Variants in DNM2 observed in about 807,000 individuals in gnomAD.
DNM2 encodes dynamin 2.
In DNM2, 15 loss-of-function variants were observed where a neutral mutation model predicts 99.0. The ratio of observed to expected loss-of-function variants is 0.15; its 90% CI spans 0.10 to 0.23. The LOEUF is 0.23. Among genes scored for constraint, DNM2 ranks in the 10% least tolerant of loss-of-function variants. The pLI is 1.00. For missense variants in DNM2, 742 were observed against 1,189.4 expected (o/e 0.62, Z 5.53); for synonymous variants, 525 against 481.2 (o/e 1.09, Z -1.19).
At chr19:10,770,688 T>C (rs975604540) in intron 2 of DNM2, among the ~76,000 whole-genome samples, 1 of 152,188 alleles carries the variant, frequency 6.6e-6, no homozygotes, top group Non-Finnish European at 1.5e-5. Context: ...TCACATCTTA[T>C]ACGGATGGCA....
At position 10,795,856 on chromosome 19, in the gene DNM2, GTT is replaced by G; in HGVS notation, c.1196+418_1196+419del. On this transcript the variant is annotated intron_variant, in intron 9 of 20. Coordinates refer to ENST00000389253, the MANE Select transcript of DNM2 (RefSeq NM_001005361.3). The surrounding 1 kb of genome is among the most constrained non-coding windows in gnomAD (Gnocchi z 4.2). ...TCCCCTCCTTATTCTAACAAAGGTA[GTT>G]GCTCCAGGTGTCTGCCCTTCCATCG... is the stretch of plus-strand genomic sequence containing the variant. 1 of 734,448 alleles carries G rather than the reference GTT, an allele frequency of 1.4e-6. No individual in the cohort carries two copies. The highest frequency in any genetic ancestry group is 2.3e-6 in the Non-Finnish European group (1 of 432,396). 45.5% of individuals were successfully genotyped at this position (734,448 alleles called of 1,614,324 possible).
intron 16 of DNM2, among the ~76,000 whole-genome samples, chr19:10,821,750 C>G (rs985206456): frequency 6.6e-6 from 1 of 152,106 alleles, no homozygotes; most frequent in African/African-American, 2.4e-5. Context: ...AGGCTGGGCT[C>G]GAACTCCCAA....
intron 15 of DNM2, among the ~76,000 whole-genome samples, chr19:10,814,262 C>T (rs1422672202): frequency 1.3e-5 from 2 of 152,086 alleles, no homozygotes; most frequent in African/African-American, 2.4e-5. Context: ...GTCGGGAGTT[C>T]GAGACCAGCC....
At chr19:10,787,733 T>A (rs2071610987) in intron 7 of DNM2, among the ~76,000 whole-genome samples, 2 of 135,226 alleles carry the variant, frequency 1.5e-5, no homozygotes, top group East Asian at 4.3e-4. Context: ...CCAGCCTGGG[T>A]GATCGAGCAA....
At chr19:10,822,187 CTTT>C (rs1245880128) in intron 16 of DNM2, among the ~76,000 whole-genome samples, 6 of 140,534 alleles carry the variant, frequency 4.3e-5, no homozygotes, top group African/African-American at 5.2e-5. Context: ...TTTTCTTTTT[CTTT>C]TTTTTTTTTT....
intron 12 of DNM2, among the ~76,000 whole-genome samples, 159 bp from the exon 13 acceptor site, chr19:10,805,757 G>A (rs572017903): frequency 4.6e-5 from 7 of 152,232 alleles, no homozygotes; most frequent in East Asian, 3.9e-4. Flanking sequence ...TGCCCAGGCC[G>A]TTTCCCTTGC....
chr19:10,821,499 G>A lies in DNM2; in HGVS notation c.1781+1410G>A, dbSNP rs558109186. On this transcript the variant is annotated intron_variant, in intron 16 of 20. Coordinates refer to ENST00000389253, the MANE Select transcript of DNM2 (RefSeq NM_001005361.3). ...TCAGGATTCCACCTGATATGCAGAAGCCGAGCTCTGCGGTGGGACAGGCCT... is the reference window on the plus strand; with the variant it reads ...TCAGGATTCCACCTGATATGCAGAAACCGAGCTCTGCGGTGGGACAGGCCT... Among the ~76,000 whole-genome samples, 3 of 152,162 alleles carry A rather than the reference G, an allele frequency of 2.0e-5. No individual in the cohort carries two copies. In the East Asian group the frequency reaches 5.8e-4, roughly 29 times the overall value.
chr19:10,761,368 C>A (rs1263953626), intron 2 of DNM2, among the ~76,000 whole-genome samples: 3 of 152,178 alleles, frequency 2.0e-5, no homozygotes, highest in Admixed American at 6.5e-5. Flanking sequence ...GGATTTTTTC[C>A]TGTTCTTTCC....
At chr19:10,746,331 G>A (rs978494203) in intron 1 of DNM2, among the ~76,000 whole-genome samples, 4 of 152,098 alleles carry the variant, frequency 2.6e-5, no homozygotes, top group African/African-American at 7.2e-5. Flanking sequence ...AGGAGGGCAC[G>A]GAGGTGACAG....
chr19:10,811,763 T>A lies in DNM2; in HGVS notation c.1558-501T>A. 1.9e-6 allele frequency: 1 copy of A among 518,686 alleles called. No homozygotes were observed. Among genetic ancestry groups the A allele is most frequent in the South Asian group, 1.4e-5 (1 of 71,522 alleles). The allele number at this position is 518,686 out of a possible 1,614,324, so 32.1% of individuals were successfully genotyped here. On this transcript the variant is annotated intron_variant, in intron 14 of 20. Coordinates refer to ENST00000389253, the MANE Select transcript of DNM2 (RefSeq NM_001005361.3). This position sits in a 1 kb window ranked among gnomAD's most constrained non-coding sequence, Gnocchi z 5.4. ...CATGGGGTCTCCCAGCCTGAAACCCTGATGTGTCAGTCAAAAGGATGACCA... is the reference window on the plus strand; with the variant it reads ...CATGGGGTCTCCCAGCCTGAAACCCAGATGTGTCAGTCAAAAGGATGACCA...
chr19:10,814,513 C>A (rs1346528286), intron 15 of DNM2, among the ~76,000 whole-genome samples: 1 of 152,138 alleles, frequency 6.6e-6, no homozygotes, highest in Non-Finnish European at 1.5e-5. Flanking sequence ...GTCTTAACTG[C>A]AGTCACCCTA....
chr19:10,774,856 T>C (rs1298089268), intron 3 of DNM2, among the ~76,000 whole-genome samples: 1 of 151,656 alleles, frequency 6.6e-6, no homozygotes, highest in African/African-American at 2.4e-5. Flanking sequence ...GGCTCACTTC[T>C]TCTCCTGGGC....
chr19:10,831,749 C>T lies in DNM2; in HGVS notation c.*702C>T. On this transcript the variant is annotated 3_prime_UTR_variant, in exon 21 of 21. Transcript: ENST00000389253. The surrounding 1 kb of genome is among the most constrained non-coding windows in gnomAD (Gnocchi z 4.3). The stretch of plus-strand genomic sequence containing the variant: ...TGGTGGTGGCGGGGGGTCTTGGGGG[C>T]CTCTCAGCTCCCGCCCATGCCTCCC... The T allele has an allele frequency of 1.0e-6, 1 of 986,414 alleles. No homozygotes were observed. Among genetic ancestry groups the T allele is most frequent in the Non-Finnish European group, 1.2e-6 (1 of 830,472 alleles). 61.1% of individuals were successfully genotyped at this position (986,414 alleles called of 1,614,324 possible). A position where few individuals can be genotyped will look rare whatever the true frequency, so the allele number is the denominator to read the frequency against.
chr19:10,815,450 C>T (rs986751964), intron 15 of DNM2, among the ~76,000 whole-genome samples: 1 of 152,222 alleles, frequency 6.6e-6, no homozygotes, highest in African/African-American at 2.4e-5. Context: ...GGACTCTGGC[C>T]TGTCCCCTCT....
At chr19:10,756,212 T>C (rs78301903) in intron 1 of DNM2, among the ~76,000 whole-genome samples, 13,912 of 152,028 alleles carry the variant, frequency 0.092, 1,016 homozygotes, top group East Asian at 0.38. Context: ...GTTTCCCTCG[T>C]TCAGTTCACT....
rs1443022902 is a variant in DNM2, at chr19:10,764,786, T to C, written c.235+4975T>C. ...CCCCCATCCATCTCCCTCCTGATTC[T>C]CAGGCCCAGCTTGCTGGTTCCCACT... On this transcript the variant is annotated intron_variant, in intron 2 of 20. Coordinates refer to ENST00000389253, the MANE Select transcript of DNM2 (RefSeq NM_001005361.3). This position sits in a 1 kb window ranked among gnomAD's most constrained non-coding sequence, Gnocchi z 4.1. Among the ~76,000 whole-genome samples, 1 of 152,108 alleles carries C rather than the reference T, an allele frequency of 6.6e-6. No homozygotes were observed. Among genetic ancestry groups the C allele is most frequent in the Non-Finnish European group, 1.5e-5 (1 of 68,034 alleles).
chr19:10,718,231 G>A lies in DNM2; in HGVS notation c.-12G>A, dbSNP rs1306736885. ...GGAGCGCAGGGCGCTCGGGCCGGGGGCCGCCGGCGCCATGGGCAACCGCGG... is the reference window on the plus strand; with the variant it reads ...GGAGCGCAGGGCGCTCGGGCCGGGGACCGCCGGCGCCATGGGCAACCGCGG... On this transcript the variant is annotated 5_prime_UTR_variant, in exon 1 of 21. Transcript: ENST00000389253. 4.1e-6 allele frequency: 6 copies of A among 1,465,146 alleles called. No individual in the cohort carries two copies. The highest frequency in any genetic ancestry group is 1.5e-5 in the African/African-American group (1 of 68,020). 90.8% of individuals were successfully genotyped at this position (1,465,146 alleles called of 1,614,324 possible). A position where few individuals can be genotyped will look rare whatever the true frequency, so the allele number is the denominator to read the frequency against.
At chr19:10,822,813 A>T (rs890277911) in intron 16 of DNM2, among the ~76,000 whole-genome samples, 1 of 147,962 alleles carries the variant, frequency 6.8e-6, no homozygotes, top group South Asian at 2.4e-4. Context: ...CTTTTTTTAT[A>T]AAAAACACAC....
rs922690461 is a variant in DNM2, at chr19:10,718,137, C to G, written c.-106C>G. The G allele has an allele frequency of 4.1e-6, 5 of 1,210,074 alleles. No homozygotes were observed. In the Admixed American group the frequency reaches 2.2e-4, roughly 53 times the overall value. 75.0% of individuals were successfully genotyped at this position (1,210,074 alleles called of 1,614,324 possible). On this transcript the variant is annotated 5_prime_UTR_variant, in exon 1 of 21. Coordinates refer to ENST00000389253, the MANE Select transcript of DNM2 (RefSeq NM_001005361.3). ...GCCGGGAGCGGGCGTCTTGCCGAGGCCCGGGCGGGCGGGGAGCAACGGCTA... is the reference window on the plus strand; with the variant it reads ...GCCGGGAGCGGGCGTCTTGCCGAGGGCCGGGCGGGCGGGGAGCAACGGCTA...
Sources: allele counts gnomAD v4.1 joint callset (sites outside exome capture counted in the v4.1 genomes callset), GRCh38; gene constraint gnomAD v4.1.1; non-coding constraint Gnocchi (gnomAD v3.1); transcripts MANE v1.5; gene names NCBI Gene and HGNC (gene_info 2026-07-23, HGNC 2026-07-21).